The following MTNR1A variants were observed in gnomAD, a reference collection of about 807,000 sequenced individuals.
The protein encoded by MTNR1A is melatonin receptor 1A, also known as melatonin receptor type 1A.
MTNR1A carries 7 observed loss-of-function variants against 5.5 expected under a neutral mutation model. The observed-to-expected ratio is 1.28, with a 90% confidence interval of 0.73 to 2.40. The LOEUF (loss-of-function observed/expected upper bound fraction) is 2.40, where lower values mean the gene tolerates loss of function less well. Among genes scored for constraint, MTNR1A ranks in the 30% most tolerant of loss-of-function variants. The pLI is 0.00. For synonymous variants in MTNR1A, 196 were observed against 202.7 expected, an observed-to-expected ratio of 0.97 and a Z score of 0.28; for missense variants, 441 against 464.4, an observed-to-expected ratio of 0.95 and a Z score of 0.46.
At chr4:186,550,211 G>A (rs1309615804) in intron 1 of MTNR1A, among the ~76,000 whole-genome samples, 1 of 152,206 alleles carries the variant, frequency 6.6e-6, no homozygotes. Flanking sequence ...GCAGAAGTGA[G>A]GCTGCTGATC....
In MTNR1A at chr4:186,555,538, G is replaced by C; in HGVS notation, c.-173C>G. On this transcript the variant is annotated 5_prime_UTR_variant, in exon 1 of 2. Coordinates refer to ENST00000307161, the MANE Select transcript of MTNR1A (RefSeq NM_005958.4). This position sits in a 1 kb window ranked among gnomAD's most constrained non-coding sequence, Gnocchi z 4.1. ...CGGACGCCACGGCCAGGTGACACCTGGTGTCCGCCGCGAGCCCGCTTGGAT... is the reference window on the plus strand; with the variant it reads ...CGGACGCCACGGCCAGGTGACACCTCGTGTCCGCCGCGAGCCCGCTTGGAT... 2.7e-6 allele frequency: 1 copy of C among 367,894 alleles called. No homozygotes were observed. Among genetic ancestry groups the C allele is most frequent in the Non-Finnish European group, 4.4e-6 (1 of 226,626 alleles). 22.8% of individuals were successfully genotyped at this position (367,894 alleles called of 1,614,324 possible).
At chr4:186,540,372 T>C (rs1003021435) in intron 1 of MTNR1A, among the ~76,000 whole-genome samples, 6 of 152,188 alleles carry the variant, frequency 3.9e-5, no homozygotes, top group Non-Finnish European at 8.8e-5. Context: ...CAATCCATGA[T>C]TGGTTGAATC....
At chr4:186,539,787 T>G (rs1736965933) in intron 1 of MTNR1A, among the ~76,000 whole-genome samples, 1 of 152,182 alleles carries the variant, frequency 6.6e-6, no homozygotes, top group African/African-American at 2.4e-5. Flanking sequence ...AACTTCCCAG[T>G]CTACATTGTT....
At chr4:186,549,625 T>C (rs1269215471) in intron 1 of MTNR1A, among the ~76,000 whole-genome samples, 1 of 152,216 alleles carries the variant, frequency 6.6e-6, no homozygotes, top group African/African-American at 2.4e-5. Context: ...AGTTTTCTGC[T>C]GTATAAATAT....
chr4:186,542,613 A>G (rs1223373629), intron 1 of MTNR1A, among the ~76,000 whole-genome samples: 1 of 152,216 alleles, frequency 6.6e-6, no homozygotes, highest in African/African-American at 2.4e-5. Flanking sequence ...AGTGATTAAC[A>G]TAGAATGTTG....
Position 186,555,049 on chromosome 4 carries a change from C to G in MTNR1A, c.184+133G>C. 2 of 1,050,704 alleles carry G rather than the reference C, an allele frequency of 1.9e-6. No homozygotes were observed. Among genetic ancestry groups the G allele is most frequent in the South Asian group, 2.9e-5 (2 of 70,066 alleles). The allele number at this position is 1,050,704 out of a possible 1,614,324, so 65.1% of individuals were successfully genotyped here. A position where few individuals can be genotyped will look rare whatever the true frequency, so the allele number is the denominator to read the frequency against. ...TCAACGGGCAGGCTGGAGAAGAGTC[C>G]TCTCTAACAGGAAAAATAACTCCAA... On this transcript the variant is annotated intron_variant, in intron 1 of 1. Transcript: ENST00000307161. This position sits in a 1 kb window ranked among gnomAD's most constrained non-coding sequence, Gnocchi z 4.1.
intron 1 of MTNR1A, among the ~76,000 whole-genome samples, chr4:186,535,687 A>G (rs1387470016): frequency 6.6e-6 from 1 of 152,214 alleles, no homozygotes; most frequent in East Asian, 1.9e-4. Context: ...CTGGGATGGC[A>G]GGTGTGAGCC....
chr4:186,538,602 C>T (rs1240167238), intron 1 of MTNR1A, among the ~76,000 whole-genome samples: 2 of 152,208 alleles, frequency 1.3e-5, no homozygotes, highest in African/African-American at 4.8e-5. Context: ...TGCGTCCCCT[C>T]CTAACATCCA....
chr4:186,545,526 C>T (rs1364035972), intron 1 of MTNR1A, among the ~76,000 whole-genome samples: 1 of 152,118 alleles, frequency 6.6e-6, no homozygotes, highest in Non-Finnish European at 1.5e-5. Context: ...ATTAACGCAC[C>T]CTTTGGCCTC....
intron 1 of MTNR1A, among the ~76,000 whole-genome samples, chr4:186,554,979 C>G (rs1293896896): frequency 6.6e-6 from 1 of 152,160 alleles, no homozygotes; most frequent in East Asian, 1.9e-4. Context: ...GTGGAGTGTC[C>G]CACCTCTTAG....
intron 1 of MTNR1A, among the ~76,000 whole-genome samples, chr4:186,539,077 C>A (rs371886752): frequency 7.9e-5 from 12 of 151,932 alleles, no homozygotes; most frequent in African/African-American, 2.9e-4. Flanking sequence ...ATTAGCTGGG[C>A]GTGGTGGTGC....
At position 186,555,523 on chromosome 4, in the gene MTNR1A, G is replaced by T; in HGVS notation, c.-158C>A. 2.2e-6 allele frequency: 1 copy of T among 454,888 alleles called. No individual in the cohort carries two copies. Among genetic ancestry groups the T allele is most frequent in the East Asian group, 5.3e-5 (1 of 18,888 alleles). The allele number at this position is 454,888 out of a possible 1,614,324, so 28.2% of individuals were successfully genotyped here. A position where few individuals can be genotyped will look rare whatever the true frequency, so the allele number is the denominator to read the frequency against. Reference sequence around the variant, plus strand: ...ACGCCCACGCCGCGCCGGACGCCACGGCCAGGTGACACCTGGTGTCCGCCG... The same window carrying T: ...ACGCCCACGCCGCGCCGGACGCCACTGCCAGGTGACACCTGGTGTCCGCCG... On this transcript the variant is annotated 5_prime_UTR_variant, in exon 1 of 2. Coordinates refer to ENST00000307161, the MANE Select transcript of MTNR1A (RefSeq NM_005958.4). The surrounding 1 kb of genome is among the most constrained non-coding windows in gnomAD (Gnocchi z 4.1).
At chr4:186,534,730 C>G (rs1448359579) in intron 1 of MTNR1A, among the ~76,000 whole-genome samples, 173 bp from the exon 2 acceptor site, 1 of 152,152 alleles carries the variant, frequency 6.6e-6, no homozygotes, top group African/African-American at 2.4e-5. Context: ...CACTGCCGCT[C>G]CTGACACATC....
intron 1 of MTNR1A, among the ~76,000 whole-genome samples, chr4:186,552,330 C>T (rs1737280891): frequency 6.6e-6 from 1 of 152,194 alleles, no homozygotes; most frequent in Non-Finnish European, 1.5e-5. Flanking sequence ...TAAGTTAGAA[C>T]AAATCCGCTG....
intron 1 of MTNR1A, among the ~76,000 whole-genome samples, chr4:186,552,693 C>CAA (rs1229293261): frequency 6.6e-6 from 1 of 152,158 alleles, no homozygotes; most frequent in Non-Finnish European, 1.5e-5. Context: ...GTATTACCTG[C>CAA]AATTCAACAA....
intron 1 of MTNR1A, among the ~76,000 whole-genome samples, chr4:186,545,156 T>C (rs1737115273): frequency 6.6e-6 from 1 of 152,120 alleles, no homozygotes; most frequent in Non-Finnish European, 1.5e-5. Flanking sequence ...GTTCTGTTTC[T>C]AGCAAACCTG....
rs1420787995 is a variant in MTNR1A at position 186,555,499 on chromosome 4, C to G, written c.-134G>C. The G allele has an allele frequency of 3.1e-6, 2 of 635,942 alleles. No individual in the cohort carries two copies. The highest frequency in any genetic ancestry group is 4.3e-6 in the Non-Finnish European group (2 of 465,302). 39.4% of individuals were successfully genotyped at this position (635,942 alleles called of 1,614,324 possible). A position where few individuals can be genotyped will look rare whatever the true frequency, so the allele number is the denominator to read the frequency against. On this transcript the variant is annotated 5_prime_UTR_variant, in exon 1 of 2. Transcript: ENST00000307161. This position sits in a 1 kb window ranked among gnomAD's most constrained non-coding sequence, Gnocchi z 4.1. ...CGCTCCTCCACGCCGCGCCCCCGGACGCCCACGCCGCGCCGGACGCCACGG... is the reference window on the plus strand; with the variant it reads ...CGCTCCTCCACGCCGCGCCCCCGGAGGCCCACGCCGCGCCGGACGCCACGG...
In MTNR1A at chr4:186,547,117, CCG is replaced by C. The variant is rs1737166358; in HGVS notation, c.184+8063_184+8064del. Among the ~76,000 whole-genome samples the C allele has an allele frequency of 4.5e-5, 2 of 44,272 alleles. 1 individual carries two copies. Among genetic ancestry groups the C allele is most frequent in the African/African-American group, 1.5e-4 (2 of 13,130 alleles). The allele number at this position is 44,272 out of a possible 152,430, so 29.0% of individuals were successfully genotyped here. On this transcript the variant is annotated intron_variant, in intron 1 of 1. Coordinates refer to ENST00000307161, the MANE Select transcript of MTNR1A (RefSeq NM_005958.4). ...CCTCACACCCTGTTCCTGGGACACA[CCG>C]TCCTCACACCCTGTTCCTGGGACAC...
intron 1 of MTNR1A, among the ~76,000 whole-genome samples, chr4:186,554,006 C>T (rs1579257970): frequency 6.6e-6 from 1 of 152,194 alleles, no homozygotes; most frequent in East Asian, 1.9e-4. Context: ...CAGCACAAGG[C>T]TGCACTAGGA....
Sources: allele counts gnomAD v4.1 joint callset (sites outside exome capture counted in the v4.1 genomes callset), GRCh38; gene constraint gnomAD v4.1.1; non-coding constraint Gnocchi (gnomAD v3.1); transcripts MANE v1.5; gene names NCBI Gene and HGNC (gene_info 2026-07-23, HGNC 2026-07-21).